SSBP3: variants seen among roughly 807,000 people sequenced by gnomAD.
SSBP3 encodes single stranded DNA binding protein 3.
A neutral mutation model predicts 69.6 loss-of-function variants in SSBP3; 5 were observed. That is an observed-to-expected ratio of 0.07 (90% CI 0.04 to 0.15). The LOEUF (loss-of-function observed/expected upper bound fraction) is 0.15, where lower values mean the gene tolerates loss of function less well. SSBP3 is among the 10% of genes least tolerant of loss of function. The pLI, the probability that SSBP3 is intolerant of heterozygous loss-of-function variation, is 1.00. For synonymous variants in SSBP3, 196 were observed against 193.4 expected, an observed-to-expected ratio of 1.01 and a Z score of -0.11; for missense variants, 312 against 534.0, an observed-to-expected ratio of 0.58 and a Z score of 4.10.
chr1:54,396,924 C>T (rs1648931357), intron 4 of SSBP3, among the ~76,000 whole-genome samples: 1 of 152,164 alleles, frequency 6.6e-6, no homozygotes, highest in Non-Finnish European at 1.5e-5. Context: ...AATGCAACTC[C>T]AGTTTCTCAT....
intron 5 of SSBP3, among the ~76,000 whole-genome samples, chr1:54,276,608 C>CAAAAAAAAAAAAAAAAAAAAAA (rs746933473): frequency 2.8e-5 from 1 of 35,214 alleles, no homozygotes; most frequent in African/African-American, 1.5e-4. Flanking sequence ...GACTCTGTCT[C>CAAAAAAAAAAAAAAAAAAAAAA]AAAAAAAAAA....
chr1:54,263,133 G>A (rs535307284), intron 5 of SSBP3, among the ~76,000 whole-genome samples: 148 of 152,284 alleles, frequency 9.7e-4, no homozygotes, highest in Admixed American at 2.2e-3. Flanking sequence ...GCCACTTCAC[G>A]AAAACTCCGA....
At chr1:54,266,749 C>T (rs1359405056) in intron 5 of SSBP3, among the ~76,000 whole-genome samples, 1 of 151,618 alleles carries the variant, frequency 6.6e-6, no homozygotes, top group African/African-American at 2.4e-5. Flanking sequence ...GATGTTATGC[C>T]CCTGAGGACA....
intron 1 of SSBP3, among the ~76,000 whole-genome samples, chr1:54,405,698 C>A (rs1649685959): frequency 6.6e-6 from 1 of 151,846 alleles, no homozygotes; most frequent in Admixed American, 6.6e-5. Context: ...CGCGCCACGG[C>A]CACCAAGTAC....
At chr1:54,366,979 C>T (rs749337477) in intron 4 of SSBP3, among the ~76,000 whole-genome samples, 27 of 152,138 alleles carry the variant, frequency 1.8e-4, no homozygotes, top group Non-Finnish European at 3.2e-4. Context: ...TCAGAGCCTC[C>T]GAATCCCTCG....
intron 4 of SSBP3, among the ~76,000 whole-genome samples, chr1:54,375,545 G>A (rs1180919666): frequency 6.6e-6 from 1 of 152,134 alleles, no homozygotes; most frequent in African/African-American, 2.4e-5. Context: ...ACCAGCAGCT[G>A]ACTGTGACTC....
chr1:54,288,936 C>T (rs549372560), intron 4 of SSBP3, among the ~76,000 whole-genome samples: 8 of 145,194 alleles, frequency 5.5e-5, no homozygotes, highest in East Asian at 2.3e-4. Context: ...AGGAGACTCG[C>T]GTGAACCCGG....
At chr1:54,382,668 A>G (rs1311007557) in intron 4 of SSBP3, among the ~76,000 whole-genome samples, 1 of 151,576 alleles carries the variant, frequency 6.6e-6, no homozygotes. Context: ...GCCCTTGGAA[A>G]AGCCTGGATG....
At chr1:54,379,577 C>A (rs1398051711) in intron 4 of SSBP3, among the ~76,000 whole-genome samples, 1 of 152,182 alleles carries the variant, frequency 6.6e-6, no homozygotes, top group Non-Finnish European at 1.5e-5. Context: ...TTTACATGAA[C>A]AAAGCAAATC....
At chr1:54,246,617 C>T (rs1644738878) in intron 9 of SSBP3, among the ~76,000 whole-genome samples, 1 of 152,226 alleles carries the variant, frequency 6.6e-6, no homozygotes, top group African/African-American at 2.4e-5. Context: ...CCTGACCCTG[C>T]CTGGCCTTCA....
intron 4 of SSBP3, among the ~76,000 whole-genome samples, chr1:54,392,463 T>C (rs1395473809): frequency 1.3e-5 from 2 of 152,236 alleles, no homozygotes; most frequent in African/African-American, 2.4e-5. Context: ...CATAAATCAC[T>C]GAAAACAGAC....
At chr1:54,293,000 T>C (rs1645635872) in intron 4 of SSBP3, among the ~76,000 whole-genome samples, 1 of 151,622 alleles carries the variant, frequency 6.6e-6, no homozygotes, top group Non-Finnish European at 1.5e-5. Flanking sequence ...CCAAAAGTAA[T>C]ACAGAGGGGA....
At position 54,404,948 on chromosome 1, in the gene SSBP3, G is replaced by A. The variant is rs377249094; in HGVS notation, c.57-18C>T. The A allele has an allele frequency of 4.8e-5, 77 of 1,608,966 alleles. No individual in the cohort carries two copies. In the African/African-American group the frequency reaches 9.3e-4, roughly 20 times the overall value. On this transcript the variant is annotated intron_variant, in intron 1 of 17. Coordinates refer to ENST00000610401, the Ensembl canonical transcript of SSBP3. The stretch of plus-strand genomic sequence containing the variant: ...AAGCTAACCTGGAAAGTGGACAGGG[G>A]GCAAAGAGAGAGAGGGAAAGGCGTC...
intron 4 of SSBP3, among the ~76,000 whole-genome samples, chr1:54,310,348 G>A (rs1432512397): frequency 6.6e-6 from 1 of 151,948 alleles, no homozygotes; most frequent in African/African-American, 2.4e-5. Context: ...AAAACACCTG[G>A]TCACCTTCCA....
intron 4 of SSBP3, among the ~76,000 whole-genome samples, chr1:54,326,130 G>A (rs893823501): frequency 2.6e-5 from 4 of 152,158 alleles, no homozygotes; most frequent in Non-Finnish European, 4.4e-5. Flanking sequence ...CTGGAGCTCA[G>A]GGTAATCTGA....
Position 54,280,999 on chromosome 1 carries a change from G to A in SSBP3, c.366+439C>T, listed in dbSNP as rs966787600. On this transcript the variant is annotated intron_variant, in intron 5 of 17. Coordinates refer to ENST00000610401, the Ensembl canonical transcript of SSBP3. ...GGTTTTTGTGTTTTTTTAAGATTAC[G>A]CCTAAGGTTTGTCATTTGGACAAGT... Among the ~76,000 whole-genome samples, 14 of 152,088 alleles carry A rather than the reference G, an allele frequency of 9.2e-5. No homozygotes were observed. The South Asian group carries it at 1.9e-3, about 20-fold the overall frequency.
intron 4 of SSBP3, among the ~76,000 whole-genome samples, chr1:54,355,343 A>G (rs1482250801): frequency 2.0e-5 from 3 of 151,996 alleles, no homozygotes; most frequent in Admixed American, 2.0e-4. Context: ...ATCTCCCCCA[A>G]ATTTATTTTA....
At chr1:54,352,791 C>T (rs532634041) in intron 4 of SSBP3, among the ~76,000 whole-genome samples, 11 of 152,312 alleles carry the variant, frequency 7.2e-5, no homozygotes, top group African/African-American at 2.4e-4. Context: ...ATCAACTGCT[C>T]GGAAACTTCA....
Position 54,404,933 on chromosome 1 carries a change from G to A in SSBP3, c.57-3C>T, listed in dbSNP as rs1338394378. On this transcript the variant is annotated splice_polypyrimidine_tract_variant and splice_region_variant and intron_variant, in intron 1 of 17. Transcript: ENST00000610401. ...ATTCGTAGACGTATAAAGCTAACCT[G>A]GAAAGTGGACAGGGGGCAAAGAGAG... is the stretch of plus-strand genomic sequence containing the variant. The A allele has an allele frequency of 6.2e-7, 1 of 1,612,154 alleles. No homozygotes were observed. The highest frequency in any genetic ancestry group is 1.1e-5 in the South Asian group (1 of 90,938).
Sources: gnomAD v4.1 joint callset for allele counts (sites outside exome capture counted in the v4.1 genomes callset) on GRCh38, gnomAD v4.1.1 for gene constraint, MANE v1.5 for transcripts, NCBI Gene and HGNC (gene_info 2026-07-23, HGNC 2026-07-21) for gene names.